Variants in NRXN3 observed in about 807,000 individuals in gnomAD.
NRXN3 encodes neurexin 3, also known as neurexin III.
A neutral mutation model predicts 137.6 loss-of-function variants in NRXN3; 32 were observed. That is an observed-to-expected ratio of 0.23 (90% CI 0.18 to 0.31). The LOEUF (loss-of-function observed/expected upper bound fraction) is 0.31, where lower values mean the gene tolerates loss of function less well. Among genes scored for constraint, NRXN3 ranks in the 10% least tolerant of loss-of-function variants. The pLI, the probability that NRXN3 is intolerant of heterozygous loss-of-function variation, is 1.00. For missense variants in NRXN3, 1,574 were observed against 2,062.5 expected, an observed-to-expected ratio of 0.76 and a Z score of 4.59; for synonymous variants, 798 against 784.5, an observed-to-expected ratio of 1.02 and a Z score of -0.29.
At chr14:79,391,328 C>T (rs2094838446) in intron 15 of NRXN3, among the ~76,000 whole-genome samples, 1 of 152,156 alleles carries the variant, frequency 6.6e-6, no homozygotes, top group Non-Finnish European at 1.5e-5. Flanking sequence ...GTACTCCAGG[C>T]ACAGTAATTG....
intron 16 of NRXN3, among the ~76,000 whole-genome samples, chr14:79,650,492 A>G (rs559778024): frequency 6.6e-6 from 1 of 152,242 alleles, no homozygotes; most frequent in Non-Finnish European, 1.5e-5. Flanking sequence ...TGTCTTACGG[A>G]TGAGGAAACT....
intron 15 of NRXN3, among the ~76,000 whole-genome samples, chr14:79,062,881 G>A (rs1481487649): frequency 6.6e-6 from 1 of 152,126 alleles, no homozygotes; most frequent in Non-Finnish European, 1.5e-5. Flanking sequence ...TTCTTGCAGG[G>A]AAAATTGGTT....
At chr14:79,362,414 G>A (rs186869241) in intron 15 of NRXN3, among the ~76,000 whole-genome samples, 1 of 150,540 alleles carries the variant, frequency 6.6e-6, no homozygotes, top group East Asian at 2.0e-4. Context: ...TAGCCTATTT[G>A]GAACGGTACT....
At chr14:78,292,509 T>G (rs1026451465) in intron 3 of NRXN3, among the ~76,000 whole-genome samples, 1 of 152,190 alleles carries the variant, frequency 6.6e-6, no homozygotes, top group African/African-American at 2.4e-5. Context: ...GGGTCAAAAG[T>G]ATCAGACATC....
chr14:79,332,030 C>G (rs1454721804), intron 15 of NRXN3, among the ~76,000 whole-genome samples: 1 of 152,128 alleles, frequency 6.6e-6, no homozygotes, highest in Non-Finnish European at 1.5e-5. Flanking sequence ...AGCAATTTGG[C>G]ACGGTTTTTG....
chr14:78,765,970 T>G (rs8004668), intron 8 of NRXN3, among the ~76,000 whole-genome samples: 3,280 of 152,272 alleles, frequency 0.022, 114 homozygotes, highest in African/African-American at 0.075. Context: ...CCTGGAATCC[T>G]TCAGCAGACT....
At chr14:78,691,755 C>G (rs888796725) in intron 6 of NRXN3, among the ~76,000 whole-genome samples, 1 of 152,032 alleles carries the variant, frequency 6.6e-6, no homozygotes, top group Non-Finnish European at 1.5e-5. Flanking sequence ...TCAAGGCAGC[C>G]CATGATTAGG....
intron 16 of NRXN3, among the ~76,000 whole-genome samples, chr14:79,597,940 C>T (rs1045757795): frequency 9.2e-5 from 14 of 152,270 alleles, no homozygotes; most frequent in South Asian, 2.1e-4. Flanking sequence ...TGTACTCTAA[C>T]GTGAAGGGTT....
chr14:78,561,290 C>G (rs1566750371), intron 4 of NRXN3, among the ~76,000 whole-genome samples: 3 of 152,136 alleles, frequency 2.0e-5, no homozygotes, highest in Admixed American at 1.3e-4. Flanking sequence ...TTGTAGAGAA[C>G]TGTAATTTTT....
chr14:79,189,482 A>C (rs1188584481), intron 15 of NRXN3, among the ~76,000 whole-genome samples: 1 of 151,946 alleles, frequency 6.6e-6, no homozygotes, highest in African/African-American at 2.4e-5. Context: ...GCACATGGTT[A>C]CATGTGTAAC....
At chr14:79,270,180 C>G (rs746057414) in intron 15 of NRXN3, among the ~76,000 whole-genome samples, 3 of 152,202 alleles carry the variant, frequency 2.0e-5, no homozygotes, top group Non-Finnish European at 4.4e-5. Context: ...AGGCATCTCT[C>G]ACTTGAGCAT....
At chr14:78,594,733 T>C (rs1378994701) in intron 4 of NRXN3, among the ~76,000 whole-genome samples, 1 of 152,330 alleles carries the variant, frequency 6.6e-6, no homozygotes, top group Non-Finnish European at 1.5e-5. Context: ...CACTGTGGGC[T>C]ATGCTTTCTT....
At chr14:78,704,795 C>T (rs1384063130) in intron 6 of NRXN3, among the ~76,000 whole-genome samples, 2 of 152,102 alleles carry the variant, frequency 1.3e-5, no homozygotes, top group Non-Finnish European at 2.9e-5. Flanking sequence ...ATTTCATTTG[C>T]TTATTGTGTA....
At chr14:79,597,079 T>C (rs2097865375) in intron 16 of NRXN3, among the ~76,000 whole-genome samples, 1 of 152,170 alleles carries the variant, frequency 6.6e-6, no homozygotes, top group Admixed American at 6.5e-5. Flanking sequence ...CTTTTTATAC[T>C]CTGTGCAGCT....
intron 3 of NRXN3, among the ~76,000 whole-genome samples, chr14:78,292,753 G>A (rs1416756586): frequency 6.6e-6 from 1 of 152,174 alleles, no homozygotes; most frequent in Non-Finnish European, 1.5e-5. Flanking sequence ...GTTTTGGAAA[G>A]GTGTGGTCCC....
chr14:79,164,355 G>T (rs996240401), intron 15 of NRXN3, among the ~76,000 whole-genome samples: 15 of 151,988 alleles, frequency 9.9e-5, no homozygotes, highest in African/African-American at 3.4e-4. Flanking sequence ...ACAACAAAAT[G>T]AAGTGACATT....
At chr14:79,735,690 T>C (rs1357008389) in intron 19 of NRXN3, among the ~76,000 whole-genome samples, 1 of 152,174 alleles carries the variant, frequency 6.6e-6, no homozygotes, top group Non-Finnish European at 1.5e-5. Context: ...TTATAAAGCA[T>C]CCAGACATTT....
intron 15 of NRXN3, among the ~76,000 whole-genome samples, chr14:79,102,261 C>A (rs1225781397): frequency 6.6e-6 from 1 of 152,170 alleles, no homozygotes; most frequent in Non-Finnish European, 1.5e-5. Flanking sequence ...TAACCTAATT[C>A]CCCTCTGTTG....
intron 4 of NRXN3, among the ~76,000 whole-genome samples, chr14:78,568,804 C>A (rs1228837293): frequency 1.3e-5 from 2 of 152,198 alleles, no homozygotes; most frequent in Non-Finnish European, 2.9e-5. Flanking sequence ...AAACATACCA[C>A]AACATCTGGA....
Sources: gnomAD v4.1 joint callset for allele counts (sites outside exome capture counted in the v4.1 genomes callset) on GRCh38, gnomAD v4.1.1 for gene constraint, MANE v1.5 for transcripts, NCBI Gene and HGNC (gene_info 2026-07-23, HGNC 2026-07-21) for gene names.